USP48: variants seen among roughly 807,000 people sequenced by gnomAD.
USP48 encodes ubiquitin specific peptidase 48.
A neutral mutation model predicts 150.7 loss-of-function variants in USP48; 43 were observed. The observed-to-expected ratio is 0.29, with a 90% CI of 0.22 to 0.37. The LOEUF (loss-of-function observed/expected upper bound fraction) is 0.37. Ranked by LOEUF, USP48 falls within the 10% of genes least tolerant of loss-of-function variation. USP48 has a pLI of 1.00. For synonymous variants in USP48, 396 were observed against 425.9 expected (o/e 0.93, Z 0.86); for missense variants, 813 against 1,249.6 (o/e 0.65, Z 5.27).
At chr1:21,772,152 A>T (rs2097882604) in intron 1 of USP48, among the ~76,000 whole-genome samples, 2 of 152,234 alleles carry the variant, frequency 1.3e-5, no homozygotes. Context: ...AACCATCAGT[A>T]CTAAAACACA....
chr1:21,682,134 G>A (rs563636995), intron 25 of USP48, among the ~76,000 whole-genome samples: 5 of 152,280 alleles, frequency 3.3e-5, no homozygotes, highest in African/African-American at 9.6e-5. Context: ...CATGGCAGAC[G>A]GTGCATGACA....
chr1:21,757,039 C>G, intron 2 of USP48: 2 of 964,482 alleles, frequency 2.1e-6, no homozygotes, highest in Non-Finnish European at 2.5e-6. Context: ...TTCTGTATTT[C>G]TAAACTGCCA....
chr1:21,696,945 A>C (rs1205210523), intron 22 of USP48, among the ~76,000 whole-genome samples: 2 of 152,004 alleles, frequency 1.3e-5, no homozygotes, highest in Admixed American at 1.3e-4. Context: ...TTCTTCTGCT[A>C]ACCAGGCCAG....
chr1:21,699,145 T>G (rs897113354), intron 22 of USP48, among the ~76,000 whole-genome samples: 2 of 147,510 alleles, frequency 1.4e-5, no homozygotes, highest in African/African-American at 5.0e-5. Context: ...TTCTCATACC[T>G]CAGCCTCCCC....
In USP48 at chr1:21,724,088, A is replaced by C. The variant is rs1271216168; in HGVS notation, c.1458T>G (p.Tyr486Ter). 6.2e-7 allele frequency: 1 copy of C among 1,614,104 alleles called. No individual in the cohort carries two copies. The highest frequency in any genetic ancestry group is 8.5e-7 in the Non-Finnish European group (1 of 1,179,964). The change falls in exon 12 of 27, where the codon TAT becomes TAG. Residue 486 changes from tyrosine (Y) to a stop codon, truncating the protein, a stop_gained. Transcript: ENST00000308271. LOFTEE classifies it high-confidence loss of function. ...YQRLPAGAEP[Y>*]EFVSLEWLQK... Reference sequence around the variant, plus strand: ...GCAGCCATTCCAGAGAGACAAACTCATAGGGCTCTGAGAAAGCAAGCATCG... The same window carrying C: ...GCAGCCATTCCAGAGAGACAAACTCCTAGGGCTCTGAGAAAGCAAGCATCG...
At chr1:21,707,279 C>G (rs1000568440) in intron 15 of USP48, among the ~76,000 whole-genome samples, 2 of 152,216 alleles carry the variant, frequency 1.3e-5, no homozygotes, top group Non-Finnish European at 2.9e-5. Flanking sequence ...CAAAGGTTAT[C>G]ATTTCCTGCA....
At chr1:21,696,442 A>C (rs74528612) in intron 22 of USP48, among the ~76,000 whole-genome samples, 18,420 of 152,234 alleles carry the variant, frequency 0.12, 1,653 homozygotes, top group East Asian at 0.27. Context: ...CTGTCTCAAA[A>C]AGAGAAGAAG....
chr1:21,694,849 G>A (rs565656718), intron 23 of USP48, among the ~76,000 whole-genome samples: 26 of 152,186 alleles, frequency 1.7e-4, no homozygotes, highest in Middle Eastern at 6.8e-3. Flanking sequence ...GGTTCCCAGC[G>A]TTTCTCATTA....
At chr1:21,731,230 T>G (rs888010983) in intron 9 of USP48, among the ~76,000 whole-genome samples, 1 of 152,166 alleles carries the variant, frequency 6.6e-6, no homozygotes, top group Non-Finnish European at 1.5e-5. Context: ...TACAAATAAA[T>G]CTAGACTTAA....
intron 7 of USP48, 28 bp from the exon 8 acceptor site, chr1:21,747,177 T>C (rs753960913): frequency 1.3e-6 from 2 of 1,515,970 alleles, no homozygotes; most frequent in Admixed American, 1.8e-5. Context: ...TGATTATATT[T>C]ACATTTAAAA....
At chr1:21,747,733 C>T (rs1189398700) in intron 7 of USP48, among the ~76,000 whole-genome samples, 2 of 151,942 alleles carry the variant, frequency 1.3e-5, no homozygotes, top group African/African-American at 2.4e-5. Context: ...CCACCACGCC[C>T]GGCTAATTTT....
chr1:21,723,644 C>G (rs2097728224), intron 12 of USP48, among the ~76,000 whole-genome samples: 1 of 152,012 alleles, frequency 6.6e-6, no homozygotes, highest in Non-Finnish European at 1.5e-5. Flanking sequence ...TTAAAAGGGT[C>G]CTATTTTGTC....
intron 22 of USP48, among the ~76,000 whole-genome samples, chr1:21,696,740 G>A (rs1028933776): frequency 6.6e-6 from 1 of 152,112 alleles, no homozygotes; most frequent in African/African-American, 2.4e-5. Context: ...GGGTGTGCAT[G>A]ATACATGCGG....
intron 11 of USP48, among the ~76,000 whole-genome samples, chr1:21,726,843 C>T (rs1452194624): frequency 1.3e-5 from 2 of 152,014 alleles, no homozygotes; most frequent in Non-Finnish European, 2.9e-5. Flanking sequence ...GAGAACTCTC[C>T]TATTATCAAG....
At chr1:21,768,362 G>A (rs928385373) in intron 1 of USP48, 12 of 155,336 alleles carry the variant, frequency 7.7e-5, no homozygotes, top group Admixed American at 3.3e-4. Flanking sequence ...TGTCACAACC[G>A]CAAACTCTCC....
At chr1:21,727,108 C>T (rs1449914317) in intron 11 of USP48, among the ~76,000 whole-genome samples, 2 of 152,070 alleles carry the variant, frequency 1.3e-5, no homozygotes, top group South Asian at 2.1e-4. Flanking sequence ...GCCAAAAGCA[C>T]GTTCCTACTG....
chr1:21,736,197 A>G (rs987980655), intron 9 of USP48, among the ~76,000 whole-genome samples: 1 of 152,162 alleles, frequency 6.6e-6, no homozygotes. Flanking sequence ...ACTTGAGCCT[A>G]GCAGGTTTAG....
At chr1:21,680,026 T>G (rs1270139119) in intron 26 of USP48, among the ~76,000 whole-genome samples, 3 of 152,102 alleles carry the variant, frequency 2.0e-5, no homozygotes, top group East Asian at 3.9e-4. Flanking sequence ...GTTTTTTGCT[T>G]TGTTTTGACC....
chr1:21,704,477 C>A, intron 19 of USP48, 85 bp from the exon 20 acceptor site: 1 of 1,378,786 alleles, frequency 7.3e-7, no homozygotes. Context: ...TAAACCAAAA[C>A]CATTAACACT....
Sources: gnomAD v4.1 joint callset for allele counts (sites outside exome capture counted in the v4.1 genomes callset) on GRCh38, gnomAD v4.1.1 for gene constraint, MANE v1.5 for transcripts, NCBI Gene and HGNC (gene_info 2026-07-23, HGNC 2026-07-21) for gene names.